RASAL1: variants seen among roughly 807,000 people sequenced by gnomAD.
The protein encoded by RASAL1 is rasGAP-activating-like protein 1.
RASAL1 carries 72 observed loss-of-function variants against 96.6 expected under a neutral mutation model. The observed-to-expected ratio is 0.75, with a 90% CI of 0.62 to 0.91. The LOEUF (loss-of-function observed/expected upper bound fraction) is 0.91, where lower values mean the gene tolerates loss of function less well. Ranked by LOEUF, RASAL1 falls within the 40% of genes least tolerant of loss-of-function variation. The pLI is 0.00. For missense variants in RASAL1, 1,016 were observed against 1,072.5 expected (o/e 0.95, Z 0.74); for synonymous variants, 405 against 430.4 (o/e 0.94, Z 0.73).
At chr12:113,109,954 C>T (rs1469539525) in intron 13 of RASAL1, among the ~76,000 whole-genome samples, 2 of 152,242 alleles carry the variant, frequency 1.3e-5, no homozygotes, top group African/African-American at 4.8e-5. Flanking sequence ...GTTCCCCGGG[C>T]CGGAGGAAGT....
intron 20 of RASAL1, 131 bp downstream of exon 20, chr12:113,100,497 C>T: frequency 2.7e-6 from 2 of 737,296 alleles, no homozygotes. Flanking sequence ...CAGGGTTTCA[C>T]CATGTTGGCC....
intron 13 of RASAL1, among the ~76,000 whole-genome samples, chr12:113,109,372 T>A (rs1308272859): frequency 6.6e-6 from 1 of 152,146 alleles, no homozygotes; most frequent in African/African-American, 2.4e-5. Flanking sequence ...GTGAACCCAG[T>A]CTGATGGGCT....
chr12:113,100,658 T>C lies in RASAL1; in HGVS notation c.2248A>G (p.Asn750Asp), dbSNP rs1251538409. 4 of 1,610,238 alleles carry C rather than the reference T, an allele frequency of 2.5e-6. No homozygotes were observed. The Admixed American group carries it at 6.7e-5, about 27-fold the overall frequency. Residue 750 changes from asparagine (N) to aspartate (D), a missense_variant, in exon 20 of 21, where the codon AAC (asparagine) becomes GAC (aspartate). Physicochemically the swap from Asn to Asp is conservative, Grantham distance 23. Transcript: ENST00000548055. ...QLRLKLLEDS[N>D]MDTTLEADTG... ...TCTGCCTCCAGAGTTGTATCCATGT[T>C]AGAATCCTCCAGTAATTTCAGCCTG...
At chr12:113,136,534 G>T (rs1389383868), upstream of RASAL1, among the ~76,000 whole-genome samples, 1 of 152,230 alleles carries the variant, frequency 6.6e-6, no homozygotes, top group Non-Finnish European at 1.5e-5. Flanking sequence ...AGGTCTCACA[G>T]TCAGTAACTG....
At chr12:113,128,449 C>T (rs1184254468) in intron 2 of RASAL1, among the ~76,000 whole-genome samples, 2 of 151,172 alleles carry the variant, frequency 1.3e-5, no homozygotes, top group Non-Finnish European at 3.0e-5. Context: ...CAGACCCCAA[C>T]ACTCACATAC....
At chr12:113,126,677 G>GTCTC (rs759237334) in intron 4 of RASAL1, among the ~76,000 whole-genome samples, 3 of 141,674 alleles carry the variant, frequency 2.1e-5, no homozygotes, top group Admixed American at 7.1e-5. Flanking sequence ...ATGAGACACT[G>GTCTC]TCTCTCTCTC....
chr12:113,128,972 G>GACACACACAC (rs35122341), intron 2 of RASAL1, among the ~76,000 whole-genome samples: 150 of 142,826 alleles, frequency 1.1e-3, no homozygotes, highest in African/African-American at 3.1e-3. Context: ...CACAGTCACT[G>GACACACACAC]ACACACACAC....
chr12:113,130,425 C>T lies in RASAL1; in HGVS notation c.122+460G>A, dbSNP rs1316712768. ...TGCCCTGCACAGCCACGAGGACATA[C>T]ACACGTGGTCACAGGCACTCACACT... is the stretch of plus-strand genomic sequence containing the variant. On this transcript the variant is annotated intron_variant, in intron 2 of 20. Transcript: ENST00000548055. This position sits in a 1 kb window ranked among gnomAD's most constrained non-coding sequence, Gnocchi z 5.1. Among the ~76,000 whole-genome samples, 1 of 152,218 alleles carries T rather than the reference C, an allele frequency of 6.6e-6. No homozygotes were observed. Among genetic ancestry groups the T allele is most frequent in the African/African-American group, 2.4e-5 (1 of 41,468 alleles).
In RASAL1 at chr12:113,116,045, G is replaced by C; in HGVS notation, c.738C>G (p.Asn246Lys). The C allele has an allele frequency of 6.3e-7, 1 of 1,585,296 alleles. No individual in the cohort carries two copies. The highest frequency in any genetic ancestry group is 8.6e-7 in the Non-Finnish European group (1 of 1,165,364). ...FPRAEEDSGG[N>K]LGALRVKVRL... ...GTACCTTCACTCGCAGGGCACCCAG[G>C]TTCCCCCTGTCCAGGATCAGATCAT... The change falls in exon 9 of 21, where the codon AAC becomes AAG. Residue 246 changes from asparagine (N) to lysine (K), a missense_variant. By Grantham distance (94) the Asn-to-Lys change is moderately conservative. Coordinates refer to ENST00000548055, the MANE Select transcript of RASAL1 (RefSeq NM_001301202.2).
chr12:113,127,297 G>A (rs1419284165), intron 4 of RASAL1, among the ~76,000 whole-genome samples: 1 of 152,072 alleles, frequency 6.6e-6, no homozygotes, highest in East Asian at 1.9e-4. Context: ...GAGTAGCTGG[G>A]GTGCTTATCA....
Position 113,101,244 on chromosome 12 carries a change from C to T in RASAL1, c.2226-564G>A, listed in dbSNP as rs187272235. On this transcript the variant is annotated intron_variant, in intron 19 of 20. Coordinates refer to ENST00000548055, the MANE Select transcript of RASAL1 (RefSeq NM_001301202.2). Reference sequence around the variant, plus strand: ...TAGCCTGGCCAACATGGTGAAACCCCGTCTCTACTAAAAATACAAAAACTA... The same window carrying T: ...TAGCCTGGCCAACATGGTGAAACCCTGTCTCTACTAAAAATACAAAAACTA... Among the ~76,000 whole-genome samples, 124 of 152,186 alleles carry T rather than the reference C, an allele frequency of 8.1e-4. 1 individual carries two copies. The highest frequency in any genetic ancestry group is 2.9e-3 in the African/African-American group (121 of 41,544).
intron 1 of RASAL1, among the ~76,000 whole-genome samples, chr12:113,133,549 C>T (rs1951794763): frequency 1.3e-5 from 2 of 152,198 alleles, no homozygotes; most frequent in Admixed American, 1.3e-4. Context: ...TCTAAAATTA[C>T]CTGAAGAGGC....
chr12:113,103,955 C>T lies in RASAL1; in HGVS notation c.2095G>A (p.Glu699Lys). 1.3e-6 allele frequency: 2 copies of T among 1,558,272 alleles called. No homozygotes were observed. Among genetic ancestry groups the T allele is most frequent in the Non-Finnish European group, 8.7e-7 (1 of 1,153,556 alleles). The change falls in exon 18 of 21, where the codon GAG becomes AAG. Residue 699 changes from glutamate (E) to lysine (K), a missense_variant. Transcript: ENST00000548055. ...CGCCCTGCCCCCTCACCTGAGCGCT[C>T]AGCCTGGAGGCAGCAGGTCCAGCGC... Reference protein sequence around the residue: ...SARWTCCLQAERSAAGCSRTH... With the variant: ...SARWTCCLQAKRSAAGCSRTH...
intron 1 of RASAL1, among the ~76,000 whole-genome samples, chr12:113,133,698 G>A (rs1361966187): frequency 6.6e-6 from 1 of 152,188 alleles, no homozygotes; most frequent in Non-Finnish European, 1.5e-5. Flanking sequence ...GCAGCCTCCA[G>A]GAAGAGCCCC....
rs1950552247 is a variant in RASAL1, at chr12:113,103,936, GC to G, written c.2104+9del. 5 of 1,550,802 alleles carry G rather than the reference GC, an allele frequency of 3.2e-6. No individual in the cohort carries two copies. The East Asian group carries it at 1.2e-4, about 37-fold the overall frequency. ...GAGGGCGGAGCCTGCAGTCCGCCCT[GC>G]CCCCTCACCTGAGCGCTCAGCCTGG... On this transcript the variant is annotated intron_variant, in intron 18 of 20. Coordinates refer to ENST00000548055, the MANE Select transcript of RASAL1 (RefSeq NM_001301202.2).
intron 2 of RASAL1, 54 bp from the exon 3 acceptor site, chr12:113,128,232 AC>A (rs1201757818): frequency 3.5e-5 from 35 of 1,011,236 alleles, no homozygotes; most frequent in Non-Finnish European, 5.4e-5. Context: ...GGAGGCAGAC[AC>A]CTGGAGACCC....
chr12:113,128,312 C>T (rs1951573312), intron 2 of RASAL1, 134 bp from the exon 3 acceptor site: 2 of 624,134 alleles, frequency 3.2e-6, no homozygotes, highest in African/African-American at 1.9e-5. Context: ...ACTCAGAGAC[C>T]CCCCACATGA....
chr12:113,129,729 CA>C lies in RASAL1; in HGVS notation c.122+1155del, dbSNP rs1951631796. ...ACATATGCGCGCGTGCGCGCACACACACACACACACCCCGCCTTCTTCCTCC... is the reference window on the plus strand; with the variant it reads ...ACATATGCGCGCGTGCGCGCACACACCACACACACCCCGCCTTCTTCCTCC... On this transcript the variant is annotated intron_variant, in intron 2 of 20. Coordinates refer to ENST00000548055, the MANE Select transcript of RASAL1 (RefSeq NM_001301202.2). The surrounding 1 kb of genome is among the most constrained non-coding windows in gnomAD (Gnocchi z 5.0). Among the ~76,000 whole-genome samples the C allele has an allele frequency of 6.6e-6, 1 of 152,156 alleles. No individual in the cohort carries two copies. The highest frequency in any genetic ancestry group is 2.1e-4 in the South Asian group (1 of 4,834).
At chr12:113,131,249 G>T (rs369027770) in intron 1 of RASAL1, among the ~76,000 whole-genome samples, 6 of 147,946 alleles carry the variant, frequency 4.1e-5, no homozygotes, top group South Asian at 2.2e-4. Flanking sequence ...AGCGTGTGTG[G>T]GGGGGGTGGG....
Sources: allele counts gnomAD v4.1 joint callset (sites outside exome capture counted in the v4.1 genomes callset), GRCh38; gene constraint gnomAD v4.1.1; non-coding constraint Gnocchi (gnomAD v3.1); transcripts MANE v1.5; gene names NCBI Gene and HGNC (gene_info 2026-07-23, HGNC 2026-07-21).